PLCG2: variants seen among roughly 807,000 people sequenced by gnomAD.
PLCG2 encodes the protein phospholipase C gamma 2.
A neutral mutation model predicts 175.6 loss-of-function variants in PLCG2; 69 were observed. The observed-to-expected ratio is 0.39, with a 90% CI of 0.32 to 0.48. The LOEUF (loss-of-function observed/expected upper bound fraction) is 0.48, where lower values mean the gene tolerates loss of function less well. Ranked by LOEUF, PLCG2 falls within the 20% of genes least tolerant of loss-of-function variation. The pLI is 0.91. For missense variants in PLCG2, 1,798 were observed against 1,650.9 expected, an observed-to-expected ratio of 1.09 and a Z score of -1.54; for synonymous variants, 827 against 624.0, an observed-to-expected ratio of 1.33 and a Z score of -4.85.
At chr16:81,766,249 C>G (rs747146587) in intron 2 of PLCG2, among the ~76,000 whole-genome samples, 8 of 152,154 alleles carry the variant, frequency 5.3e-5, no homozygotes, top group Non-Finnish European at 1.2e-4. Context: ...TTCACCAAAA[C>G]ATGGGGGAGG....
upstream of PLCG2, among the ~76,000 whole-genome samples, chr16:81,778,053 A>AT (rs1312443212): frequency 1.3e-4 from 7 of 52,014 alleles, 1 homozygote; most frequent in African/African-American, 8.4e-4. Context: ...CAAAAAAAAA[A>AT]ACAAAAAAAA....
At chr16:81,922,951 G>A (rs1910117330) in intron 21 of PLCG2, among the ~76,000 whole-genome samples, 1 of 152,180 alleles carries the variant, frequency 6.6e-6, no homozygotes, top group Non-Finnish European at 1.5e-5. Flanking sequence ...CTTGCAAAAT[G>A]TCAGGGTCCT....
chr16:81,824,273 A>G (rs763552705), intron 2 of PLCG2, among the ~76,000 whole-genome samples: 1 of 151,946 alleles, frequency 6.6e-6, no homozygotes, highest in Non-Finnish European at 1.5e-5. Context: ...AACTAGGATT[A>G]TAGGCATGCG....
In PLCG2 at chr16:81,812,169, C is replaced by A. The variant is rs1904348818; in HGVS notation, c.193+25987C>A. Among the ~76,000 whole-genome samples the A allele has an allele frequency of 4.6e-5, 7 of 151,310 alleles. No homozygotes were observed. In the South Asian group the frequency reaches 1.5e-3, roughly 32 times the overall value. Reference sequence around the variant, plus strand: ...GGTTCACGCCATTCTCCTGTCTCAGCCTCCTGAGTAGCTGGGACTACAGGC... The same window carrying A: ...GGTTCACGCCATTCTCCTGTCTCAGACTCCTGAGTAGCTGGGACTACAGGC... On this transcript the variant is annotated intron_variant, in intron 2 of 32. Transcript: ENST00000564138.
At position 81,961,618 on chromosome 16, in the gene PLCG2, G is replaced by C. The variant is rs1911779073; in HGVS notation, c.*3620G>C. The stretch of plus-strand genomic sequence containing the variant: ...AAATTCAAGGAGTAAAAGGAAAAGT[G>C]GGGCATTCCTTGCTACTAAAAATTG... On this transcript the variant is annotated 3_prime_UTR_variant, in exon 33 of 33. Coordinates refer to ENST00000564138, the MANE Select transcript of PLCG2 (RefSeq NM_002661.5). 9.2e-6 allele frequency: 2 copies of C among 216,394 alleles called. No homozygotes were observed. Among genetic ancestry groups the C allele is most frequent in the Admixed American group, 1.2e-4 (2 of 17,166 alleles). The allele number at this position is 216,394 out of a possible 1,614,324, so 13.4% of individuals were successfully genotyped here.
chr16:81,906,757 G>C (rs1567526541), intron 15 of PLCG2, among the ~76,000 whole-genome samples: 2 of 152,154 alleles, frequency 1.3e-5, no homozygotes, highest in African/African-American at 4.8e-5. Flanking sequence ...GAATTAAGTT[G>C]GGCCAGGCGC....
intron 2 of PLCG2, among the ~76,000 whole-genome samples, chr16:81,847,327 C>T (rs895462412): frequency 6.6e-6 from 1 of 152,208 alleles, no homozygotes; most frequent in Non-Finnish European, 1.5e-5. Context: ...TAAGCCCTGT[C>T]ATCCTGGGTT....
At chr16:81,768,970 C>T (rs1910214175) in intron 2 of PLCG2, among the ~76,000 whole-genome samples, 2 of 152,296 alleles carry the variant, frequency 1.3e-5, no homozygotes, top group South Asian at 4.1e-4. Flanking sequence ...GAGAATAAAT[C>T]TTTCATCTCC....
chr16:81,808,592 C>G (rs147629972), intron 2 of PLCG2, among the ~76,000 whole-genome samples: 3,070 of 152,248 alleles, frequency 0.02, 80 homozygotes, highest in African/African-American at 0.071. Flanking sequence ...CTCCCAGATT[C>G]AAGCCATTCT....
intron 1 of PLCG2, among the ~76,000 whole-genome samples, chr16:81,753,720 TGGGA>T (rs2143071418): frequency 6.6e-6 from 1 of 152,304 alleles, no homozygotes; most frequent in Admixed American, 6.5e-5. Flanking sequence ...TGCTGACTTT[TGGGA>T]GGGGATGAGG....
intron 7 of PLCG2, among the ~76,000 whole-genome samples, chr16:81,872,435 G>A (rs937980129): frequency 6.6e-6 from 1 of 152,206 alleles, no homozygotes; most frequent in Non-Finnish European, 1.5e-5. Flanking sequence ...GATTTTGTGT[G>A]TGTGTGCTGG....
Position 81,919,620 on chromosome 16 carries a change from C to A in PLCG2, c.2191C>A (p.Leu731Met), listed in dbSNP as rs377095061. 8.7e-5 allele frequency: 140 copies of A among 1,613,998 alleles called. No homozygotes were observed. Among genetic ancestry groups the A allele is most frequent in the Non-Finnish European group, 1.1e-4 (130 of 1,180,012 alleles). The change falls in exon 20 of 33, where the codon CTG (leucine) becomes ATG (methionine). Residue 731 changes from leucine (L) to methionine (M), a missense_variant. By Grantham distance (15) the Leu-to-Met change is conservative. Transcript: ENST00000564138. Reference sequence around the variant, plus strand: ...GCATTCACTCTACCGAAAGATGAGACTGCGCTACCCCGTGACCCCCGAGCT... The same window carrying A: ...GCATTCACTCTACCGAAAGATGAGAATGCGCTACCCCGTGACCCCCGAGCT... The part of the protein sequence containing the change: ...EKHSLYRKMR[L>M]RYPVTPELLE...
intron 2 of PLCG2, among the ~76,000 whole-genome samples, chr16:81,759,770 G>C (rs1165286763): frequency 3.9e-5 from 6 of 152,204 alleles, no homozygotes; most frequent in Non-Finnish European, 7.3e-5. Flanking sequence ...CCATTGCACT[G>C]AGCACTTGTC....
intron 2 of PLCG2, among the ~76,000 whole-genome samples, chr16:81,822,640 C>T (rs567569275): frequency 1.3e-5 from 2 of 151,240 alleles, no homozygotes; most frequent in African/African-American, 4.9e-5. Flanking sequence ...ACCTGTAATC[C>T]CAGCTACTCA....
chr16:81,853,455 T>G (rs942127854), intron 2 of PLCG2, among the ~76,000 whole-genome samples: 1 of 152,088 alleles, frequency 6.6e-6, no homozygotes, highest in Non-Finnish European at 1.5e-5. Flanking sequence ...AGAAGACAGT[T>G]TTTCCACAGA....
intron 18 of PLCG2, among the ~76,000 whole-genome samples, chr16:81,911,844 C>T (rs1173698804): frequency 8.3e-6 from 1 of 120,396 alleles, no homozygotes; most frequent in Non-Finnish European, 1.6e-5. Context: ...GTTGCCTAGG[C>T]TAGAGTGCAG....
chr16:81,744,214 C>T (rs1465856548), intron 1 of PLCG2, among the ~76,000 whole-genome samples: 2 of 143,980 alleles, frequency 1.4e-5, no homozygotes, highest in Non-Finnish European at 3.0e-5. Flanking sequence ...TGTCACCAGG[C>T]TGGTGTGCAG....
intron 5 of PLCG2, among the ~76,000 whole-genome samples, chr16:81,860,182 T>C (rs1056271588): frequency 6.8e-6 from 1 of 147,482 alleles, no homozygotes; most frequent in East Asian, 1.9e-4. Context: ...ATTTTTTTTT[T>C]TTTTTGTAAA....
At chr16:81,893,632 A>G in intron 11 of PLCG2, 77 bp from the exon 12 acceptor site, 1 of 846,844 alleles carries the variant, frequency 1.2e-6, no homozygotes, top group South Asian at 1.4e-5. Flanking sequence ...TTCCCCCACA[A>G]CACCCTGAGG....
Sources: allele counts gnomAD v4.1 joint callset (sites outside exome capture counted in the v4.1 genomes callset), GRCh38; gene constraint gnomAD v4.1.1; transcripts MANE v1.5; gene names NCBI Gene and HGNC (gene_info 2026-07-23, HGNC 2026-07-21).